The following RCAN2 variants were observed in gnomAD, a reference collection of about 807,000 sequenced individuals.
The protein encoded by RCAN2 is calcipressin-2.
In RCAN2, 9 loss-of-function variants were observed where a neutral mutation model predicts 23.6. That is an observed-to-expected ratio of 0.38 (90% confidence interval 0.23 to 0.67). The LOEUF (loss-of-function observed/expected upper bound fraction) is 0.67. RCAN2 is among the 30% of genes least tolerant of loss of function. The probability of loss-of-function intolerance (pLI) is 0.51; values close to 1 mark genes in which losing one functional copy is unlikely to be tolerated. For missense variants in RCAN2, 273 were observed against 302.3 expected (o/e 0.90, Z 0.72); for synonymous variants, 109 against 115.7 (o/e 0.94, Z 0.37).
intron 2 of RCAN2, among the ~76,000 whole-genome samples, chr6:46,307,042 T>C (rs10738093): frequency 0.79 from 119,587 of 152,068 alleles, 47,348 homozygotes; most frequent in Non-Finnish European, 0.82. Context: ...ACTTCCATCC[T>C]CAAATGGCAA....
rs146427344 is a variant in RCAN2 at position 46,333,141 on chromosome 6, C to CT, written c.226-84246dup. Among the ~76,000 whole-genome samples the CT allele has an allele frequency of 9.7e-4, 148 of 152,114 alleles. 1 individual carries two copies. Among genetic ancestry groups the CT allele is most frequent in the Non-Finnish European group, 1.9e-3 (126 of 67,994 alleles). On this transcript the variant is annotated intron_variant, in intron 2 of 4. Transcript: ENST00000371374. Reference sequence around the variant, plus strand: ...AGTGTCTGTTCATGTCCTGTGCCCACTTTTTGATGGGGTTGTTTTTTTTTC... The same window carrying CT: ...AGTGTCTGTTCATGTCCTGTGCCCACTTTTTTGATGGGGTTGTTTTTTTTTC...
At chr6:46,376,167 T>C (rs754160753) in intron 2 of RCAN2, among the ~76,000 whole-genome samples, 5 of 152,204 alleles carry the variant, frequency 3.3e-5, no homozygotes, top group African/African-American at 4.8e-5. Flanking sequence ...GCTCTCCAGA[T>C]CATGATTTGC....
At chr6:46,372,353 T>G (rs1363804915) in intron 2 of RCAN2, among the ~76,000 whole-genome samples, 1 of 152,210 alleles carries the variant, frequency 6.6e-6, no homozygotes, top group Non-Finnish European at 1.5e-5. Flanking sequence ...CTAGGTATTA[T>G]TTCTCCAATT....
At chr6:46,300,963 C>G (rs952667637) in intron 2 of RCAN2, among the ~76,000 whole-genome samples, 1 of 151,912 alleles carries the variant, frequency 6.6e-6, no homozygotes. Flanking sequence ...CACCAAGACT[C>G]TTTTGTCATT....
chr6:46,280,007 A>G (rs1767849790), intron 2 of RCAN2, among the ~76,000 whole-genome samples: 1 of 152,232 alleles, frequency 6.6e-6, no homozygotes, highest in South Asian at 2.1e-4. Context: ...ACTATGGCAC[A>G]GAGTGATTCA....
At chr6:46,449,398 T>G (rs1433931725) in intron 2 of RCAN2, among the ~76,000 whole-genome samples, 1 of 151,424 alleles carries the variant, frequency 6.6e-6, no homozygotes, top group Non-Finnish European at 1.5e-5. Flanking sequence ...ATATTAACAT[T>G]TAATATTATT....
intron 1 of RCAN2, among the ~76,000 whole-genome samples, chr6:46,488,535 T>G (rs139492674): frequency 0.013 from 1,957 of 152,352 alleles, 15 homozygotes; most frequent in Middle Eastern, 0.031. Flanking sequence ...TCTCTCCTTC[T>G]TCTCTAAAAG....
Position 46,457,192 on chromosome 6 carries a change from C to T in RCAN2, c.-2-214G>A, listed in dbSNP as rs993798707. Among the ~76,000 whole-genome samples, 5 of 152,162 alleles carry T rather than the reference C, an allele frequency of 3.3e-5. No individual in the cohort carries two copies. The South Asian group carries it at 6.2e-4, about 19-fold the overall frequency. On this transcript the variant is annotated intron_variant, in intron 1 of 4. Transcript: ENST00000371374. ...TACAGCTCTGCTCTGGGGCAAGAACCGAGTCAGTACTATGGTTTTTTAAAA... is the reference window on the plus strand; with the variant it reads ...TACAGCTCTGCTCTGGGGCAAGAACTGAGTCAGTACTATGGTTTTTTAAAA...
chr6:46,305,152 C>T (rs887056701), intron 2 of RCAN2, among the ~76,000 whole-genome samples: 2 of 152,114 alleles, frequency 1.3e-5, no homozygotes, highest in African/African-American at 4.8e-5. Context: ...TCCTTCCATG[C>T]TAGACTTCTC....
chr6:46,261,128 G>A (rs1231507766), intron 2 of RCAN2, among the ~76,000 whole-genome samples: 7 of 152,144 alleles, frequency 4.6e-5, no homozygotes, highest in Non-Finnish European at 7.3e-5. Context: ...GCCCTGATTA[G>A]ATATAGGCTC....
At chr6:46,276,910 C>A (rs1364679812) in intron 2 of RCAN2, among the ~76,000 whole-genome samples, 2 of 152,192 alleles carry the variant, frequency 1.3e-5, no homozygotes, top group Non-Finnish European at 1.5e-5. Flanking sequence ...GTGGCAGCCT[C>A]CAAACAGATG....
intron 2 of RCAN2, among the ~76,000 whole-genome samples, chr6:46,282,533 G>T (rs1488421859): frequency 1.3e-5 from 2 of 150,946 alleles, no homozygotes; most frequent in African/African-American, 5.0e-5. Flanking sequence ...AAGAGAAAAT[G>T]ATGCTGTCTT....
intron 2 of RCAN2, among the ~76,000 whole-genome samples, chr6:46,389,424 C>T (rs1459359266): frequency 6.6e-6 from 1 of 152,146 alleles, no homozygotes; most frequent in Non-Finnish European, 1.5e-5. Context: ...TCAGGGAGGG[C>T]TCCCAGAACT....
At chr6:46,249,317 C>CT (rs11331303) in intron 2 of RCAN2, among the ~76,000 whole-genome samples, 67 of 97,086 alleles carry the variant, frequency 6.9e-4, no homozygotes, top group Middle Eastern at 4.6e-3. Flanking sequence ...TTCTTTCTTT[C>CT]TTTTTTTTTT....
chr6:46,321,723 G>A (rs1687123410), intron 2 of RCAN2, among the ~76,000 whole-genome samples: 1 of 152,220 alleles, frequency 6.6e-6, no homozygotes, highest in Non-Finnish European at 1.5e-5. Context: ...CCCCACAGTG[G>A]CCAGCAGTAA....
intron 2 of RCAN2, among the ~76,000 whole-genome samples, chr6:46,434,423 A>G (rs1283463016): frequency 6.6e-6 from 1 of 152,068 alleles, no homozygotes; most frequent in Non-Finnish European, 1.5e-5. Flanking sequence ...GAGACCTTAC[A>G]TGACAGTTTT....
chr6:46,265,059 A>G (rs1199104246), intron 2 of RCAN2, among the ~76,000 whole-genome samples: 1 of 152,148 alleles, frequency 6.6e-6, no homozygotes, highest in Non-Finnish European at 1.5e-5. Context: ...CATCTCACCC[A>G]GTGGGATGGA....
intron 2 of RCAN2, among the ~76,000 whole-genome samples, chr6:46,453,154 C>T (rs1044286832): frequency 2.0e-5 from 3 of 152,104 alleles, no homozygotes; most frequent in South Asian, 2.1e-4. Context: ...AGCTGGATCC[C>T]GAAAGATGAA....
chr6:46,248,981 A>C, intron 2 of RCAN2, 85 bp from the exon 3 acceptor site: 1 of 907,304 alleles, frequency 1.1e-6, no homozygotes, highest in Non-Finnish European at 1.6e-6. Flanking sequence ...CAAACAACTA[A>C]ATAAATAGGC....
Sources: gnomAD v4.1 joint callset for allele counts (sites outside exome capture counted in the v4.1 genomes callset) on GRCh38, gnomAD v4.1.1 for gene constraint, MANE v1.5 for transcripts, NCBI Gene and HGNC (gene_info 2026-07-23, HGNC 2026-07-21) for gene names.